NCAPG2: variants seen among roughly 807,000 people sequenced by gnomAD.
NCAPG2 encodes the protein condensin-2 complex subunit G2.
NCAPG2 carries 53 observed loss-of-function variants against 141.1 expected under a neutral mutation model. The ratio of observed to expected loss-of-function variants is 0.38; its 90% CI spans 0.30 to 0.47. The LOEUF is 0.47. Ranked by LOEUF, NCAPG2 falls within the 20% of genes least tolerant of loss-of-function variation. The pLI is 0.99. For missense variants in NCAPG2, 1,087 were observed against 1,389.0 expected (o/e 0.78, Z 3.46); for synonymous variants, 499 against 490.7 (o/e 1.02, Z -0.22).
intron 1 of NCAPG2, among the ~76,000 whole-genome samples, chr7:158,703,910 G>C (rs532263446): frequency 1.3e-5 from 2 of 148,316 alleles, no homozygotes; most frequent in African/African-American, 5.0e-5. Context: ...TACACCCAGG[G>C]CTCAGGGGGA....
At chr7:158,659,305 G>A (rs75498088) in intron 16 of NCAPG2, among the ~76,000 whole-genome samples, 2,227 of 147,900 alleles carry the variant, frequency 0.015, 151 homozygotes, top group Admixed American at 0.11. Context: ...CTCCAGCCTG[G>A]GTGACAAGAG....
rs756602744 is a variant in NCAPG2 at position 158,655,435 on chromosome 7, C to T, written c.2409G>A (p.Leu803=). Residue 803 remains leucine (L), a synonymous_variant, in exon 20 of 28, where the codon CTG becomes CTA. Coordinates refer to ENST00000356309, the MANE Select transcript of NCAPG2 (RefSeq NM_017760.7). ...ETSKADLESL[L]QTPGGKPRGF... ...CACGAGGCTTCCCACCCGGTGTCTG[C>T]AGAAGTGACTCCAGATCTGCCTGTA... 3.1e-6 allele frequency: 5 copies of T among 1,614,060 alleles called. No individual in the cohort carries two copies. In the African/African-American group the frequency reaches 6.7e-5, roughly 22 times the overall value.
intron 6 of NCAPG2, 53 bp from the exon 7 acceptor site, chr7:158,687,495 A>C (rs1364145316): frequency 3.0e-6 from 4 of 1,312,418 alleles, no homozygotes; most frequent in Admixed American, 2.1e-5. Flanking sequence ...AAAAAGTGCC[A>C]AATAACAAAC....
intron 13 of NCAPG2, among the ~76,000 whole-genome samples, chr7:158,666,544 A>C (rs1300589974): frequency 6.6e-6 from 1 of 150,830 alleles, no homozygotes; most frequent in East Asian, 1.9e-4. Context: ...AGATCATAGC[A>C]CTTTTATCTA....
chr7:158,694,228 C>A (rs977961884), intron 2 of NCAPG2, among the ~76,000 whole-genome samples: 1 of 152,134 alleles, frequency 6.6e-6, no homozygotes, highest in Non-Finnish European at 1.5e-5. Flanking sequence ...AAGAAAAAAT[C>A]AATGACAGCA....
chr7:158,655,447 C>G lies in NCAPG2; in HGVS notation c.2397G>C (p.Leu799=), dbSNP rs753832410. The G allele has an allele frequency of 1.9e-6, 3 of 1,613,960 alleles. No individual in the cohort carries two copies. In the South Asian group the frequency reaches 3.3e-5, roughly 18 times the overall value. The change falls in exon 20 of 28, where the codon CTG becomes CTC. Residue 799 remains leucine, a synonymous_variant. Coordinates refer to ENST00000356309, the MANE Select transcript of NCAPG2 (RefSeq NM_017760.7). ...CACCCGGTGTCTGCAGAAGTGACTC[C>G]AGATCTGCCTGTAATAGAAAAAACC... is the stretch of plus-strand genomic sequence containing the variant. The part of the protein sequence containing the change: ...LKALETSKAD[L]ESLLQTPGGK...
intron 14 of NCAPG2, 59 bp from the exon 15 acceptor site, chr7:158,664,355 T>G: frequency 6.5e-7 from 1 of 1,539,602 alleles, no homozygotes; most frequent in African/African-American, 1.4e-5. Context: ...AAATTAACTA[T>G]CTGATAGTGA....
At chr7:158,641,656 A>G (rs1056610598) in intron 27 of NCAPG2, 2 of 442,050 alleles carry the variant, frequency 4.5e-6, no homozygotes, top group African/African-American at 4.0e-5. Flanking sequence ...GCAGAGCAGA[A>G]TTCACAGTAA....
intron 13 of NCAPG2, among the ~76,000 whole-genome samples, chr7:158,671,068 T>C (rs1055646727): frequency 3.2e-4 from 44 of 135,544 alleles, no homozygotes; most frequent in African/African-American, 1.1e-3. Context: ...GTCTCCCTCC[T>C]TCACTCTGTG....
At chr7:158,648,923 CACGCCAA>C in intron 24 of NCAPG2, among the ~76,000 whole-genome samples, 1 of 152,206 alleles carries the variant, frequency 6.6e-6, no homozygotes, top group African/African-American at 2.4e-5. Context: ...GGACTATAAC[CACGCCAA>C]ATGGACTATA....
At chr7:158,658,213 C>A in intron 17 of NCAPG2, 125 bp downstream of exon 17, 1 of 731,830 alleles carries the variant, frequency 1.4e-6, no homozygotes, top group Non-Finnish European at 2.0e-6. Context: ...GAGGGAAGGG[C>A]AGAAGGAAGA....
chr7:158,661,970 T>C (rs1312598029), intron 16 of NCAPG2, among the ~76,000 whole-genome samples: 4 of 152,188 alleles, frequency 2.6e-5, no homozygotes, highest in African/African-American at 9.7e-5. Flanking sequence ...CCAAGACGTT[T>C]CTCTGGGTGC....
rs1831820853 is a variant in NCAPG2 at position 158,655,254 on chromosome 7, C to T, written c.2510G>A (p.Cys837Tyr). 2 of 1,613,718 alleles carry T rather than the reference C, an allele frequency of 1.2e-6. No homozygotes were observed. The highest frequency in any genetic ancestry group is 2.2e-5 in the East Asian group (1 of 44,876). Residue 837 changes from cysteine (C) to tyrosine (Y), a missense_variant, in exon 21 of 28, where the codon TGC becomes TAC. By Grantham distance (194) the Cys-to-Tyr change is radical. Transcript: ENST00000356309. ...RLSIHLQHKF[C>Y]SEGKVYLSML... ...GGACAAATACACCTTTCCTTCTGAG[C>T]AGAACTGTCCAAAAACAAGAAGATA...
At chr7:158,656,039 C>T (rs1237032117) in intron 19 of NCAPG2, among the ~76,000 whole-genome samples, 1 of 152,194 alleles carries the variant, frequency 6.6e-6, no homozygotes, top group Non-Finnish European at 1.5e-5. Context: ...AGGTGCAACA[C>T]AAATGTGAGA....
rs2129460414 is a variant in NCAPG2 at position 158,664,557 on chromosome 7, G to A, written c.1673C>T (p.Ala558Val). ...GTTGGTGCAGGCGGTGTGTTCGTGG[G>A]CGTACTGATAGAACCTCCTGGCAGC... ...HAAARRFYQY[A>V]HEHTACTNIA... Residue 558 changes from alanine (A) to valine (V), a missense_variant, in exon 14 of 28, where the codon GCC becomes GTC. Coordinates refer to ENST00000356309, the MANE Select transcript of NCAPG2 (RefSeq NM_017760.7). The A allele has an allele frequency of 1.2e-6, 2 of 1,614,092 alleles. No individual in the cohort carries two copies. Among genetic ancestry groups the A allele is most frequent in the East Asian group, 2.2e-5 (1 of 44,884 alleles).
chr7:158,656,765 C>A, intron 17 of NCAPG2, 60 bp from the exon 18 acceptor site: 1 of 1,563,490 alleles, frequency 6.4e-7, no homozygotes, highest in South Asian at 1.2e-5. Flanking sequence ...CCAACTTTGT[C>A]AAAAGGTGAG....
intron 22 of NCAPG2, among the ~76,000 whole-genome samples, chr7:158,653,892 C>T (rs997155002): frequency 1.3e-5 from 2 of 152,232 alleles, no homozygotes; most frequent in Admixed American, 1.3e-4. Context: ...CAGCAGTCAG[C>T]TACACCACAG....
intron 16 of NCAPG2, among the ~76,000 whole-genome samples, chr7:158,661,640 G>A (rs957430308): frequency 2.0e-5 from 3 of 152,106 alleles, no homozygotes; most frequent in African/African-American, 4.8e-5. Context: ...TGTGAGGCTC[G>A]ATTTGGCCAT....
chr7:158,639,200 T>C (rs1830477843), intron 27 of NCAPG2, among the ~76,000 whole-genome samples: 1 of 152,012 alleles, frequency 6.6e-6, no homozygotes, highest in Non-Finnish European at 1.5e-5. Flanking sequence ...ATCAACCTCC[T>C]GGGCTCAAGT....
Sources: gnomAD v4.1 joint callset for allele counts (sites outside exome capture counted in the v4.1 genomes callset) on GRCh38, gnomAD v4.1.1 for gene constraint, MANE v1.5 for transcripts, NCBI Gene and HGNC (gene_info 2026-07-23, HGNC 2026-07-21) for gene names.